Variants in ANKFN1 observed in about 807,000 individuals in gnomAD.
ANKFN1 encodes the protein ankyrin repeat and fibronectin type III domain containing 1.
A neutral mutation model predicts 108.7 loss-of-function variants in ANKFN1; 74 were observed. The observed-to-expected ratio is 0.68, with a 90% CI of 0.56 to 0.83. The LOEUF (loss-of-function observed/expected upper bound fraction) is 0.83, where lower values mean the gene tolerates loss of function less well. Ranked by LOEUF, ANKFN1 falls within the 40% of genes least tolerant of loss-of-function variation. The pLI is 0.00. For missense variants in ANKFN1, 1,505 were observed against 1,382.3 expected (o/e 1.09, Z -1.41); for synonymous variants, 547 against 516.2 (o/e 1.06, Z -0.81).
intron 1 of ANKFN1, among the ~76,000 whole-genome samples, chr17:56,173,585 G>A (rs1217570300): frequency 6.6e-6 from 1 of 151,910 alleles, no homozygotes; most frequent in Non-Finnish European, 1.5e-5. Flanking sequence ...AGCCTTCCAA[G>A]TAGCTGAGAC....
chr17:56,254,697 G>A (rs2043316540), intron 3 of ANKFN1, among the ~76,000 whole-genome samples: 1 of 152,166 alleles, frequency 6.6e-6, no homozygotes, highest in African/African-American at 2.4e-5. Flanking sequence ...CATCCAGGTT[G>A]CATTGACCTC....
intron 3 of ANKFN1, among the ~76,000 whole-genome samples, chr17:56,282,316 T>G (rs2044105648): frequency 6.7e-6 from 1 of 148,946 alleles, no homozygotes; most frequent in Non-Finnish European, 1.5e-5. Flanking sequence ...GTGTGTGTGT[T>G]GGAGGGAAGA....
intron 1 of ANKFN1, among the ~76,000 whole-genome samples, chr17:56,196,187 T>G (rs554777929): frequency 6.6e-6 from 1 of 151,840 alleles, no homozygotes; most frequent in Non-Finnish European, 1.5e-5. Context: ...GCCCAAGAGG[T>G]TGAGGCTGCA....
At chr17:56,305,554 T>C (rs2144397274) in intron 3 of ANKFN1, among the ~76,000 whole-genome samples, 1 of 152,362 alleles carries the variant, frequency 6.6e-6, no homozygotes, top group South Asian at 2.1e-4. Flanking sequence ...TTGTTCTTTG[T>C]CAGAGGTATG....
chr17:56,230,035 T>C (rs551402870), intron 3 of ANKFN1, among the ~76,000 whole-genome samples: 24 of 152,308 alleles, frequency 1.6e-4, no homozygotes, highest in South Asian at 1.2e-3. Flanking sequence ...GATTGTATTA[T>C]TCAACCAATA....
intron 4 of ANKFN1, among the ~76,000 whole-genome samples, chr17:56,121,816 G>A (rs888225684): frequency 6.6e-6 from 1 of 152,150 alleles, no homozygotes; most frequent in Non-Finnish European, 1.5e-5. Context: ...AATTAGAAAG[G>A]ATATTGGCTG....
At chr17:56,240,337 T>C (rs1917485100) in intron 3 of ANKFN1, among the ~76,000 whole-genome samples, 1 of 152,132 alleles carries the variant, frequency 6.6e-6, no homozygotes, top group African/African-American at 2.4e-5. Context: ...CAACATTATG[T>C]TTTTGAGATT....
chr17:56,407,079 TA>T lies in ANKFN1; in HGVS notation c.910+32368del, dbSNP rs1481588986. ...TTCTGTAGCTCAGGGGTTCCAAAAATAAACATTTGATAAGCTAAAATTGTCT... is the reference window on the plus strand; with the variant it reads ...TTCTGTAGCTCAGGGGTTCCAAAAATAACATTTGATAAGCTAAAATTGTCT... On this transcript the variant is annotated intron_variant, in intron 8 of 20. Coordinates refer to ENST00000682825, the MANE Select transcript of ANKFN1 (RefSeq NM_001370326.1). Among the ~76,000 whole-genome samples, 4 of 152,296 alleles carry T rather than the reference TA, an allele frequency of 2.6e-5. No homozygotes were observed. In the East Asian group the frequency reaches 7.7e-4, roughly 29 times the overall value.
intron 15 of ANKFN1, 99 bp downstream of exon 15, chr17:56,466,670 T>A: frequency 9.9e-7 from 1 of 1,012,304 alleles, no homozygotes; most frequent in Non-Finnish European, 1.5e-6. Context: ...ACATATGCAG[T>A]GATGGAGTGG....
intron 3 of ANKFN1, among the ~76,000 whole-genome samples, chr17:56,309,325 ATTTATAC>A (rs1278139774): frequency 6.6e-6 from 1 of 152,190 alleles, no homozygotes; most frequent in Non-Finnish European, 1.5e-5. Flanking sequence ...CAGGTATCAA[ATTTATAC>A]TTATAAAATT....
intron 4 of ANKFN1, among the ~76,000 whole-genome samples, chr17:56,098,442 G>A (rs11079210): frequency 0.54 from 76,310 of 140,972 alleles, 19,409 homozygotes; most frequent in East Asian, 0.68. Context: ...ACACACACGC[G>A]CGCGCACATA....
At chr17:56,439,538 C>G (rs906698095) in intron 8 of ANKFN1, among the ~76,000 whole-genome samples, 1 of 151,652 alleles carries the variant, frequency 6.6e-6, no homozygotes, top group South Asian at 2.1e-4. Flanking sequence ...AAACATTCAC[C>G]TTGGGGATGT....
At chr17:56,243,534 C>T (rs1453591723) in intron 3 of ANKFN1, among the ~76,000 whole-genome samples, 1 of 152,126 alleles carries the variant, frequency 6.6e-6, no homozygotes, top group African/African-American at 2.4e-5. Context: ...CCTACATTAA[C>T]TCCTGGTTTC....
At chr17:56,354,464 T>C (rs1048255513) in intron 6 of ANKFN1, among the ~76,000 whole-genome samples, 7 of 152,288 alleles carry the variant, frequency 4.6e-5, no homozygotes, top group Admixed American at 4.6e-4. Flanking sequence ...TGGGACACTG[T>C]TCTAGGTGCT....
intron 8 of ANKFN1, among the ~76,000 whole-genome samples, chr17:56,422,930 G>C (rs1293778539): frequency 6.6e-6 from 1 of 152,150 alleles, no homozygotes; most frequent in Non-Finnish European, 1.5e-5. Context: ...CAAAGTCCTG[G>C]TGCTGCCCTA....
At chr17:56,445,008 C>A (rs921857839) in intron 10 of ANKFN1, among the ~76,000 whole-genome samples, 9 of 152,222 alleles carry the variant, frequency 5.9e-5, no homozygotes, top group Non-Finnish European at 1.2e-4. Context: ...AGGTCCCTGA[C>A]TCTCCTGGCA....
chr17:56,073,700 C>T (rs1676300739), intron 4 of ANKFN1, among the ~76,000 whole-genome samples: 1 of 152,178 alleles, frequency 6.6e-6, no homozygotes, highest in African/African-American at 2.4e-5. Context: ...CTGGTGACCA[C>T]CAATTTGATT....
chr17:56,374,605 C>T lies in ANKFN1; in HGVS notation c.801C>T (p.Ala267=), dbSNP rs1408942219. 1 of 1,612,682 alleles carries T rather than the reference C, an allele frequency of 6.2e-7. No homozygotes were observed. Among genetic ancestry groups the T allele is most frequent in the African/African-American group, 1.3e-5 (1 of 74,970 alleles). Residue 267 remains alanine (A), a synonymous_variant, in exon 8 of 21, where the codon GCC becomes GCT. Coordinates refer to ENST00000682825, the MANE Select transcript of ANKFN1 (RefSeq NM_001370326.1). ...GTGTTTTTCCTTCTGTCCCAGGAGC[C>T]CCTGAGATGCCAACCAATGTCTGTC... ...RMKTGFEHAR[A]PEMPTNVCLM...
chr17:56,227,816 CTTT>C, intron 2 of ANKFN1, 98 bp from the exon 3 acceptor site: 1 of 815,974 alleles, frequency 1.2e-6, no homozygotes, highest in Non-Finnish European at 1.9e-6. Flanking sequence ...GCTTCTCTCT[CTTT>C]TTTTTTTCAA....
Sources: allele counts gnomAD v4.1 joint callset (sites outside exome capture counted in the v4.1 genomes callset), GRCh38; gene constraint gnomAD v4.1.1; transcripts MANE v1.5; gene names NCBI Gene and HGNC (gene_info 2026-07-23, HGNC 2026-07-21).